RBFOX1: variants seen among roughly 807,000 people sequenced by gnomAD.
RBFOX1 encodes the protein RNA binding protein fox-1 homolog 1.
RBFOX1 carries 8 observed loss-of-function variants against 57.7 expected under a neutral mutation model. The observed-to-expected ratio is 0.14, with a 90% CI of 0.08 to 0.25. The LOEUF is 0.25. Among genes scored for constraint, RBFOX1 ranks in the 10% least tolerant of loss-of-function variants. The probability of loss-of-function intolerance (pLI) is 1.00; values close to 1 mark genes in which losing one functional copy is unlikely to be tolerated. For missense variants in RBFOX1, 611 were observed against 548.5 expected (o/e 1.11, Z -1.14); for synonymous variants, 326 against 222.4 (o/e 1.47, Z -4.15).
intron 3 of RBFOX1, among the ~76,000 whole-genome samples, chr16:5,615,595 C>T (rs1245935848): frequency 6.6e-6 from 1 of 152,204 alleles, no homozygotes; most frequent in East Asian, 1.9e-4. Flanking sequence ...CCGTCCTGTT[C>T]CCATAGGTCC....
chr16:7,251,681 A>G (rs1346013872), intron 4 of RBFOX1, among the ~76,000 whole-genome samples: 2 of 152,078 alleles, frequency 1.3e-5, no homozygotes, highest in South Asian at 4.2e-4. Flanking sequence ...CAGCCTCGCA[A>G]AGTCGTGGGA....
chr16:6,239,687 G>A (rs2097529936), intron 1 of RBFOX1, among the ~76,000 whole-genome samples: 3 of 151,590 alleles, frequency 2.0e-5, no homozygotes, highest in East Asian at 1.9e-4. Context: ...TAGTAGAGAC[G>A]GGGGTTTCAC....
At chr16:6,973,765 C>T (rs561465335) in intron 3 of RBFOX1, among the ~76,000 whole-genome samples, 1 of 152,036 alleles carries the variant, frequency 6.6e-6, no homozygotes, top group Admixed American at 6.6e-5. Flanking sequence ...TACCCATTAA[C>T]CGGTAGTTTT....
At chr16:5,613,751 C>G (rs914642280) in intron 3 of RBFOX1, among the ~76,000 whole-genome samples, 8 of 152,042 alleles carry the variant, frequency 5.3e-5, no homozygotes, top group African/African-American at 1.9e-4. Flanking sequence ...TGCACATCTC[C>G]AAGTTCAAGG....
chr16:7,202,260 A>G (rs547547468), intron 4 of RBFOX1, among the ~76,000 whole-genome samples: 7 of 151,932 alleles, frequency 4.6e-5, no homozygotes, highest in African/African-American at 1.4e-4. Flanking sequence ...AAAAATTACA[A>G]TGAGATACCA....
At chr16:6,941,708 G>C (rs566599642) in intron 3 of RBFOX1, among the ~76,000 whole-genome samples, 2 of 152,262 alleles carry the variant, frequency 1.3e-5, no homozygotes, top group South Asian at 2.1e-4. Context: ...AAGGTGGATA[G>C]ACAGAGAGAG....
At chr16:6,968,884 G>A (rs889628876) in intron 3 of RBFOX1, among the ~76,000 whole-genome samples, 18 of 150,824 alleles carry the variant, frequency 1.2e-4, no homozygotes, top group African/African-American at 4.2e-4. Context: ...CTTGACTCTT[G>A]GCTCTGTGTC....
chr16:7,225,598 T>G (rs1415973497), intron 4 of RBFOX1, among the ~76,000 whole-genome samples: 1 of 151,894 alleles, frequency 6.6e-6, no homozygotes, highest in Admixed American at 6.6e-5. Flanking sequence ...GATGATGAGA[T>G]TGTGACCTTA....
intron 3 of RBFOX1, among the ~76,000 whole-genome samples, chr16:6,793,840 G>GT (rs2083425204): frequency 6.6e-6 from 1 of 152,140 alleles, no homozygotes. Flanking sequence ...ATGTATTAAA[G>GT]TGGAGGTCTG....
intron 1 of RBFOX1, among the ~76,000 whole-genome samples, chr16:5,246,144 A>C (rs1428561610): frequency 1.3e-5 from 2 of 152,336 alleles, no homozygotes; most frequent in Admixed American, 1.3e-4. Flanking sequence ...TGGGAGGCTG[A>C]GGCAGGAGAA....
At chr16:6,569,991 T>A (rs2097322982) in intron 2 of RBFOX1, among the ~76,000 whole-genome samples, 3 of 152,182 alleles carry the variant, frequency 2.0e-5, no homozygotes, top group Non-Finnish European at 4.4e-5. Flanking sequence ...AAGAAGTCGT[T>A]AGGAAACCCT....
intron 4 of RBFOX1, among the ~76,000 whole-genome samples, chr16:7,129,359 C>T (rs562940533): frequency 1.3e-5 from 2 of 152,108 alleles, no homozygotes; most frequent in African/African-American, 4.8e-5. Flanking sequence ...GGAGTCAGCC[C>T]TACCTAAACC....
intron 4 of RBFOX1, among the ~76,000 whole-genome samples, chr16:7,345,240 A>G (rs994498491): frequency 9.2e-5 from 14 of 152,160 alleles, no homozygotes; most frequent in Admixed American, 4.6e-4. Context: ...GATGTCTTCT[A>G]TTGTTACTGT....
chr16:6,952,726 T>A (rs1229630421), intron 3 of RBFOX1, among the ~76,000 whole-genome samples: 1 of 151,986 alleles, frequency 6.6e-6, no homozygotes, highest in African/African-American at 2.4e-5. Flanking sequence ...GCCTGTCAGC[T>A]CAGCACTTTG....
chr16:7,567,623 A>ATAGATATATATCCC (rs2092180012), intron 5 of RBFOX1, among the ~76,000 whole-genome samples: 1 of 43,486 alleles, frequency 2.3e-5, no homozygotes, highest in East Asian at 1.6e-3. Context: ...ATGGCCCTAT[A>ATAGATATATATCCC]TATATATATA....
chr16:6,552,448 C>T (rs1160809925), intron 2 of RBFOX1, among the ~76,000 whole-genome samples: 3 of 152,112 alleles, frequency 2.0e-5, no homozygotes, highest in African/African-American at 7.2e-5. Context: ...ATGCCCAATT[C>T]ATGTGTTTGT....
intron 3 of RBFOX1, among the ~76,000 whole-genome samples, chr16:6,797,394 G>T (rs1008212664): frequency 3.3e-5 from 5 of 152,120 alleles, no homozygotes; most frequent in African/African-American, 1.2e-4. Context: ...TCGAAAGAGA[G>T]AGCGAGAGAA....
At chr16:5,735,339 C>G (rs1567466908) in intron 3 of RBFOX1, among the ~76,000 whole-genome samples, 1 of 152,220 alleles carries the variant, frequency 6.6e-6, no homozygotes, top group African/African-American at 2.4e-5. Context: ...ACAAAGCAGA[C>G]TATTGCCTGA....
chr16:7,061,675 G>A (rs932056863), intron 4 of RBFOX1, among the ~76,000 whole-genome samples: 2 of 152,064 alleles, frequency 1.3e-5, no homozygotes, highest in African/African-American at 4.8e-5. Flanking sequence ...CCTTTCCAGG[G>A]AAAATCTATT....
Sources: gnomAD v4.1 joint callset for allele counts (sites outside exome capture counted in the v4.1 genomes callset) on GRCh38, gnomAD v4.1.1 for gene constraint, MANE v1.5 for transcripts, NCBI Gene and HGNC (gene_info 2026-07-23, HGNC 2026-07-21) for gene names.